Variants in CHDH observed in about 807,000 individuals in gnomAD.
The protein encoded by CHDH is choline dehydrogenase.
Under a neutral mutation model 56.9 loss-of-function variants are expected in CHDH, and 43 were observed. That is an observed-to-expected ratio of 0.76 (90% CI 0.59 to 0.97). CHDH has a LOEUF of 0.97. Among genes scored for constraint, CHDH ranks in the 50% least tolerant of loss-of-function variants. CHDH has a pLI of 0.00. For synonymous variants in CHDH, 364 were observed against 348.5 expected (o/e 1.04, Z -0.50); for missense variants, 816 against 821.1 (o/e 0.99, Z 0.08).
In CHDH at chr3:53,823,776, A is replaced by C. The variant is rs12676; in HGVS notation, c.233T>G (p.Leu78Arg). 1,142,763 of 1,568,132 alleles carry C rather than the reference A, an allele frequency of 0.73. 420,266 individuals are homozygous for C. Among genetic ancestry groups the C allele is most frequent in the East Asian group, 1 (41,948 of 41,988 alleles). The change falls in exon 3 of 9, where the codon CTC (leucine) becomes CGC (arginine). Residue 78 changes from leucine to arginine, a missense_variant. Coordinates refer to ENST00000315251, the MANE Select transcript of CHDH (RefSeq NM_018397.5). ...CCACGAGAGCCGCTTGCTCCCCGCG[A>C]GCACGTCCTTGGGCCCGGCCTCCAG... ...LLLEAGPKDVLAGSKRLSWKI... is the reference protein window; with the variant it reads ...LLLEAGPKDVRAGSKRLSWKI...
rs1458760983 is a variant in CHDH, at chr3:53,813,232, C to T, written c.*4545G>A. 1.4e-5 allele frequency: 2 copies of T among 145,280 alleles called. No homozygotes were observed. Among genetic ancestry groups the T allele is most frequent in the African/African-American group, 5.1e-5 (2 of 39,426 alleles). The allele number at this position is 145,280 out of a possible 1,614,324, so 9.0% of individuals were successfully genotyped here. On this transcript the variant is annotated 3_prime_UTR_variant, in exon 9 of 9. Transcript: ENST00000315251. ...ATTCTTACTCTGATCCAGGCAAAAA[C>T]ACTTCAAGGTTTGTAAATGACTCTT...
intron 2 of CHDH, among the ~76,000 whole-genome samples, chr3:53,828,996 A>G (rs1210876280): frequency 6.6e-6 from 1 of 152,246 alleles, no homozygotes; most frequent in African/African-American, 2.4e-5. Flanking sequence ...GAAGGAACCA[A>G]GATATCCTTC....
chr3:53,835,658 G>A (rs1698471713), intron 2 of CHDH, among the ~76,000 whole-genome samples: 1 of 152,172 alleles, frequency 6.6e-6, no homozygotes, highest in Non-Finnish European at 1.5e-5. Context: ...GCTTTGTGTG[G>A]GTAAGAACAC....
intron 2 of CHDH, among the ~76,000 whole-genome samples, chr3:53,838,054 C>A (rs1417867117): frequency 3.2e-5 from 2 of 62,682 alleles, no homozygotes; most frequent in East Asian, 4.9e-4. Context: ...GAGACTCTGT[C>A]TCAAAAAAAA....
rs557166170 is a variant in CHDH at position 53,831,668 on chromosome 3, T to C, written c.-59-7601A>G. The stretch of plus-strand genomic sequence containing the variant: ...TCTGATAAGAGGTTAATATCTAGAA[T>C]GTGTTTAAAACTATAACTCAACAAC... On this transcript the variant is annotated intron_variant, in intron 2 of 8. Coordinates refer to ENST00000315251, the MANE Select transcript of CHDH (RefSeq NM_018397.5). Among the ~76,000 whole-genome samples the C allele has an allele frequency of 4.6e-5, 7 of 152,360 alleles. No homozygotes were observed. The East Asian group carries it at 1.2e-3, about 25-fold the overall frequency.
At position 53,831,651 on chromosome 3, in the gene CHDH, G is replaced by C. The variant is rs568397256; in HGVS notation, c.-59-7584C>G. Among the ~76,000 whole-genome samples the C allele has an allele frequency of 2.0e-5, 3 of 152,324 alleles. No homozygotes were observed. The South Asian group carries it at 6.2e-4, about 32-fold the overall frequency. Reference sequence around the variant, plus strand: ...TATTTGCAAACCATATATCTGATAAGAGGTTAATATCTAGAATGTGTTTAA... The same window carrying C: ...TATTTGCAAACCATATATCTGATAACAGGTTAATATCTAGAATGTGTTTAA... On this transcript the variant is annotated intron_variant, in intron 2 of 8. Coordinates refer to ENST00000315251, the MANE Select transcript of CHDH (RefSeq NM_018397.5).
At chr3:53,824,128 A>C in intron 2 of CHDH, 61 bp from the exon 3 acceptor site, 48 of 990,274 alleles carry the variant, frequency 4.8e-5, no homozygotes, top group Non-Finnish European at 6.1e-5. Context: ...ATGCTCACCA[A>C]CGGCCTGCCG....
chr3:53,823,609 G>C lies in CHDH; in HGVS notation c.400C>G (p.Leu134Val). The C allele has an allele frequency of 6.5e-7, 1 of 1,543,956 alleles. No individual in the cohort carries two copies. The highest frequency in any genetic ancestry group is 8.7e-7 in the Non-Finnish European group (1 of 1,146,352). ...RGRVWGGSSS[L>V]NAMVYVRGHA... ...CCACGGACGTAGACCATGGCATTGA[G>C]GGATGAGGAGCCACCCCAGACGCGG... is the stretch of plus-strand genomic sequence containing the variant. The change falls in exon 3 of 9, where the codon CTC (leucine) becomes GTC (valine). Residue 134 changes from leucine to valine, a missense_variant. Coordinates refer to ENST00000315251, the MANE Select transcript of CHDH (RefSeq NM_018397.5).
In CHDH at chr3:53,819,409, T is replaced by C; in HGVS notation, c.1263+123A>G. 1 of 1,307,060 alleles carries C rather than the reference T, an allele frequency of 7.7e-7. No individual in the cohort carries two copies. Among genetic ancestry groups the C allele is most frequent in the Non-Finnish European group, 1.1e-6 (1 of 946,496 alleles). The allele number at this position is 1,307,060 out of a possible 1,614,324, so 81.0% of individuals were successfully genotyped here. Reference sequence around the variant, plus strand: ...GCAGCTGGAAGGCAGGGGACAGGCCTCTGTGTCCCCCACTCTGCAGCCATA... The same window carrying C: ...GCAGCTGGAAGGCAGGGGACAGGCCCCTGTGTCCCCCACTCTGCAGCCATA... On this transcript the variant is annotated intron_variant, in intron 7 of 8. Coordinates refer to ENST00000315251, the MANE Select transcript of CHDH (RefSeq NM_018397.5). This position sits in a 1 kb window ranked among gnomAD's most constrained non-coding sequence, Gnocchi z 5.4.
In CHDH at chr3:53,813,272, C is replaced by A. The variant is rs1426634334; in HGVS notation, c.*4505G>T. On this transcript the variant is annotated 3_prime_UTR_variant, in exon 9 of 9. Transcript: ENST00000315251. ...AAATGACTCTTTCCTGACATAAATC[C>A]TTTTTTATTAAAATGCAAAATGTTC... 1 of 151,890 alleles carries A rather than the reference C, an allele frequency of 6.6e-6. No individual in the cohort carries two copies. The highest frequency in any genetic ancestry group is 1.5e-5 in the Non-Finnish European group (1 of 67,986). The allele number at this position is 151,890 out of a possible 1,614,324, so 9.4% of individuals were successfully genotyped here.
chr3:53,814,105 G>A lies in CHDH; in HGVS notation c.*3672C>T, dbSNP rs549069659. ...GGCTGTGAGGGCCACGTTACCTCTC[G>A]GTGCAGTCTCACCTGTGTGAGATGG... is the stretch of plus-strand genomic sequence containing the variant. On this transcript the variant is annotated 3_prime_UTR_variant, in exon 9 of 9. Coordinates refer to ENST00000315251, the MANE Select transcript of CHDH (RefSeq NM_018397.5). The A allele has an allele frequency of 3.3e-5, 5 of 152,280 alleles. No individual in the cohort carries two copies. Among genetic ancestry groups the A allele is most frequent in the South Asian group, 4.2e-4 (2 of 4,814 alleles). The allele number at this position is 152,280 out of a possible 1,614,324, so 9.4% of individuals were successfully genotyped here. A position where few individuals can be genotyped will look rare whatever the true frequency, so the allele number is the denominator to read the frequency against.
chr3:53,842,034 T>C (rs982339628), intron 1 of CHDH, among the ~76,000 whole-genome samples: 1 of 151,572 alleles, frequency 6.6e-6, no homozygotes, highest in Non-Finnish European at 1.5e-5. Context: ...TGTGCACCTG[T>C]AGTCCCAGCT....
In CHDH at chr3:53,819,298, CTGTT is replaced by C. The variant is rs1202253230; in HGVS notation, c.1263+230_1263+233del. 6.6e-6 allele frequency among the ~76,000 whole-genome samples: 1 copy of C among 152,222 alleles called. No individual in the cohort carries two copies. Among genetic ancestry groups the C allele is most frequent in the East Asian group, 1.9e-4 (1 of 5,194 alleles). Reference sequence around the variant, plus strand: ...TGATCCCAGAGCCAAGTCAGCCCCTCTGTTTGTCCCATTTCTGGTGCTCGGTACC... The same window carrying C: ...TGATCCCAGAGCCAAGTCAGCCCCTCTGTCCCATTTCTGGTGCTCGGTACC... On this transcript the variant is annotated intron_variant, in intron 7 of 8. Transcript: ENST00000315251. This position sits in a 1 kb window ranked among gnomAD's most constrained non-coding sequence, Gnocchi z 5.4.
intron 2 of CHDH, among the ~76,000 whole-genome samples, chr3:53,828,567 C>A (rs532468075): frequency 6.6e-6 from 1 of 152,138 alleles, no homozygotes; most frequent in South Asian, 2.1e-4. Flanking sequence ...ACAGATAACC[C>A]GATTAAAGAA....
chr3:53,825,164 T>A (rs1227888356), intron 2 of CHDH, among the ~76,000 whole-genome samples: 1 of 152,232 alleles, frequency 6.6e-6, no homozygotes, highest in Admixed American at 6.5e-5. Flanking sequence ...AGACAGGTCC[T>A]TTGCTAGGTA....
intron 2 of CHDH, among the ~76,000 whole-genome samples, chr3:53,838,757 A>T (rs943683318): frequency 6.6e-6 from 1 of 152,202 alleles, no homozygotes; most frequent in African/African-American, 2.4e-5. Context: ...AGAGCCACGT[A>T]CACAGCAGGC....
intron 8 of CHDH, 79 bp from the exon 9 acceptor site, chr3:53,818,274 G>T (rs2095619487): frequency 1.6e-6 from 2 of 1,285,934 alleles, no homozygotes; most frequent in Non-Finnish European, 2.1e-6. Flanking sequence ...GCATGGAGAG[G>T]CTCTGTAAGC....
Position 53,819,135 on chromosome 3 carries a change from TC to T in CHDH, c.1264-96del. 1 of 835,696 alleles carries T rather than the reference TC, an allele frequency of 1.2e-6. No homozygotes were observed. Among genetic ancestry groups the T allele is most frequent in the Non-Finnish European group, 1.9e-6 (1 of 515,816 alleles). The allele number at this position is 835,696 out of a possible 1,614,324, so 51.8% of individuals were successfully genotyped here. A position where few individuals can be genotyped will look rare whatever the true frequency, so the allele number is the denominator to read the frequency against. ...TTTACCTGTAGGGTGGGCCTCTGCT[TC>T]CAGAATCAGTGGGGAACAGATGCAT... On this transcript the variant is annotated intron_variant, in intron 7 of 8. Transcript: ENST00000315251. This position sits in a 1 kb window ranked among gnomAD's most constrained non-coding sequence, Gnocchi z 5.4.
intron 2 of CHDH, among the ~76,000 whole-genome samples, chr3:53,827,188 G>T (rs896510808): frequency 6.6e-6 from 1 of 152,170 alleles, no homozygotes; most frequent in African/African-American, 2.4e-5. Context: ...GAGGTGACTG[G>T]ATTATAGGGG....
Sources: allele counts gnomAD v4.1 joint callset (sites outside exome capture counted in the v4.1 genomes callset), GRCh38; gene constraint gnomAD v4.1.1; non-coding constraint Gnocchi (gnomAD v3.1); transcripts MANE v1.5; gene names NCBI Gene and HGNC (gene_info 2026-07-23, HGNC 2026-07-21).